DENND2B: variants seen among roughly 807,000 people sequenced by gnomAD.
DENND2B encodes the protein DENN domain containing 2B.
A neutral mutation model predicts 116.0 loss-of-function variants in DENND2B; 32 were observed. The observed-to-expected ratio is 0.28, with a 90% confidence interval of 0.21 to 0.37. The LOEUF (loss-of-function observed/expected upper bound fraction) is 0.37, where lower values mean the gene tolerates loss of function less well. Ranked by LOEUF, DENND2B falls within the 10% of genes least tolerant of loss-of-function variation. The probability of loss-of-function intolerance (pLI) is 1.00; values close to 1 mark genes in which losing one functional copy is unlikely to be tolerated. For missense variants in DENND2B, 1,276 were observed against 1,477.7 expected (o/e 0.86, Z 2.24); for synonymous variants, 588 against 583.9 (o/e 1.01, Z -0.10).
intron 1 of DENND2B, among the ~76,000 whole-genome samples, chr11:8,791,840 G>A (rs1049867348): frequency 2.5e-4 from 38 of 151,884 alleles, no homozygotes; most frequent in Non-Finnish European, 5.0e-4. Context: ...TAAGTGAAAA[G>A]AAGTTCACAA....
chr11:8,761,939 G>T (rs2054731082), intron 1 of DENND2B, among the ~76,000 whole-genome samples: 1 of 152,162 alleles, frequency 6.6e-6, no homozygotes, highest in Admixed American at 6.5e-5. Context: ...TCAGAGCCCA[G>T]TGCTACTGGA....
intron 1 of DENND2B, among the ~76,000 whole-genome samples, chr11:8,802,439 G>A (rs1395556124): frequency 2.6e-5 from 4 of 152,174 alleles, no homozygotes; most frequent in Non-Finnish European, 5.9e-5. Flanking sequence ...CTTTGTTACA[G>A]CCCCATGAGA....
chr11:8,871,318 A>C (rs111938864), intron 1 of DENND2B: 7 of 152,260 alleles, frequency 4.6e-5, no homozygotes, highest in Non-Finnish European at 8.8e-5. Context: ...TGGCCCCCAA[A>C]CTGGACGGCC....
chr11:8,884,633 G>C (rs148757274), intron 1 of DENND2B, among the ~76,000 whole-genome samples: 1 of 152,234 alleles, frequency 6.6e-6, no homozygotes, highest in Non-Finnish European at 1.5e-5. Flanking sequence ...AGTTAATATG[G>C]TTTCAAAACA....
At chr11:8,717,705 C>G (rs372824306) in intron 5 of DENND2B, 36 bp downstream of exon 5, 157 of 1,499,720 alleles carry the variant, frequency 1.0e-4, no homozygotes, top group Middle Eastern at 4.8e-4. Context: ...GTGGCCCTCA[C>G]GCTAACCCTA....
chr11:8,754,025 G>GCACACACACACACA (rs58878035), intron 1 of DENND2B, among the ~76,000 whole-genome samples: 4 of 8,056 alleles, frequency 5.0e-4, no homozygotes, highest in African/African-American at 6.1e-4. Flanking sequence ...AACACCAAAA[G>GCACACACACACACA]CGCGCACACA....
chr11:8,884,034 ACTT>A (rs1448664871), intron 1 of DENND2B, among the ~76,000 whole-genome samples: 1 of 152,060 alleles, frequency 6.6e-6, no homozygotes, highest in Non-Finnish European at 1.5e-5. Context: ...ATCTTAGTTG[ACTT>A]CTTAGATTTT....
chr11:8,747,715 G>A (rs964676261), intron 2 of DENND2B, among the ~76,000 whole-genome samples: 4 of 152,182 alleles, frequency 2.6e-5, no homozygotes, highest in Admixed American at 6.5e-5. Context: ...CAACAAAAGC[G>A]AAGACAAGGA....
intron 4 of DENND2B, among the ~76,000 whole-genome samples, chr11:8,832,285 T>C (rs927568176): frequency 7.9e-5 from 12 of 152,150 alleles, no homozygotes; most frequent in African/African-American, 2.7e-4. Flanking sequence ...ACCCCGTCTC[T>C]AGTACAAAAT....
At chr11:8,718,096 ACC>A in intron 4 of DENND2B, 1 of 65,008 alleles carries the variant, frequency 1.5e-5, no homozygotes. Context: ...AAGCAGACCC[ACC>A]CCCCCACCCC....
intron 1 of DENND2B, among the ~76,000 whole-genome samples, chr11:8,805,602 T>TC (rs1384065319): frequency 1.3e-5 from 2 of 152,080 alleles, no homozygotes; most frequent in Non-Finnish European, 2.9e-5. Context: ...TTCATTCGAA[T>TC]CGTGCTTGAA....
intron 1 of DENND2B, chr11:8,808,484 C>G (rs1288391791): frequency 3.3e-5 from 5 of 152,232 alleles, no homozygotes; most frequent in African/African-American, 1.2e-4. Flanking sequence ...GCAAACATCA[C>G]TCTTATGAAA....
chr11:8,713,027 C>T (rs2044051547), intron 8 of DENND2B, among the ~76,000 whole-genome samples: 1 of 152,146 alleles, frequency 6.6e-6, no homozygotes, highest in Non-Finnish European at 1.5e-5. Flanking sequence ...TATCTTGGCA[C>T]CCACTCTGTC....
intron 4 of DENND2B, among the ~76,000 whole-genome samples, chr11:8,819,707 A>C (rs2061693860): frequency 6.6e-6 from 1 of 152,232 alleles, no homozygotes; most frequent in Non-Finnish European, 1.5e-5. Flanking sequence ...ATACCTGACC[A>C]GTACTCCTGA....
At chr11:8,895,909 C>A (rs574372363) in intron 1 of DENND2B, among the ~76,000 whole-genome samples, 1 of 152,032 alleles carries the variant, frequency 6.6e-6, no homozygotes, top group East Asian at 1.9e-4. Context: ...CAGGTATGAA[C>A]CACCATGACC....
In DENND2B at chr11:8,761,956, C is replaced by T. The variant is rs539307238; in HGVS notation, c.-25-11231G>A. 2.6e-5 allele frequency among the ~76,000 whole-genome samples: 4 copies of T among 152,212 alleles called. No individual in the cohort carries two copies. The South Asian group carries it at 6.2e-4, about 24-fold the overall frequency. ...AGAGCCCAGTGCTACTGGAAGTCTC[C>T]GGGCTGGGGTTTAGCTTTCCCTCCA... On this transcript the variant is annotated intron_variant, in intron 1 of 19. Transcript: ENST00000313726.
chr11:8,715,934 C>G (rs884188), intron 5 of DENND2B, 116 bp from the exon 6 acceptor site: 20,034 of 954,912 alleles, frequency 0.021, 289 homozygotes, highest in Middle Eastern at 0.069. Flanking sequence ...TCCCCGCCAT[C>G]TTGCCCTGGA....
At chr11:8,885,653 T>C (rs779741232) in intron 1 of DENND2B, among the ~76,000 whole-genome samples, 2 of 152,220 alleles carry the variant, frequency 1.3e-5, no homozygotes, top group African/African-American at 4.8e-5. Flanking sequence ...CAATAAGGAA[T>C]AAAAATGTTG....
chr11:8,733,153 A>G (rs556581238), intron 2 of DENND2B, among the ~76,000 whole-genome samples: 4 of 152,330 alleles, frequency 2.6e-5, no homozygotes, highest in African/African-American at 9.6e-5. Flanking sequence ...CTCAGTGAGG[A>G]GGTGTGAACA....
Sources: gnomAD v4.1 joint callset for allele counts (sites outside exome capture counted in the v4.1 genomes callset) on GRCh38, gnomAD v4.1.1 for gene constraint, MANE v1.5 for transcripts, NCBI Gene and HGNC (gene_info 2026-07-23, HGNC 2026-07-21) for gene names.